Variants in DAB1 observed in about 807,000 individuals in gnomAD.
The protein encoded by DAB1 is disabled homolog 1.
In DAB1, 15 loss-of-function variants were observed where a neutral mutation model predicts 64.6. The ratio of observed to expected loss-of-function variants is 0.23; its 90% CI spans 0.16 to 0.36. DAB1 has a LOEUF of 0.36. Among genes scored for constraint, DAB1 ranks in the 10% least tolerant of loss-of-function variants. The pLI, the probability that DAB1 is intolerant of heterozygous loss-of-function variation, is 1.00. For missense variants in DAB1, 596 were observed against 706.7 expected, an observed-to-expected ratio of 0.84 and a Z score of 1.78; for synonymous variants, 235 against 251.9, an observed-to-expected ratio of 0.93 and a Z score of 0.64.
intron 6 of DAB1, among the ~76,000 whole-genome samples, chr1:57,727,686 T>C (rs957729966): frequency 2.8e-5 from 4 of 144,148 alleles, no homozygotes; most frequent in African/African-American, 1.0e-4. Flanking sequence ...CCTTTCTCTC[T>C]TTTTCTCTGT....
intron 4 of DAB1, among the ~76,000 whole-genome samples, chr1:58,256,283 G>A (rs1048790611): frequency 5.3e-5 from 8 of 152,300 alleles, no homozygotes; most frequent in South Asian, 2.1e-4. Context: ...CAGAAAAGGC[G>A]CCATGGCAGC....
intron 2 of DAB1, among the ~76,000 whole-genome samples, chr1:57,202,362 G>T (rs546472857): frequency 6.6e-6 from 1 of 152,254 alleles, no homozygotes; most frequent in East Asian, 1.9e-4. Flanking sequence ...CTGAATTTTT[G>T]ATGAGGACAG....
intron 6 of DAB1, among the ~76,000 whole-genome samples, chr1:57,785,128 A>T (rs183185299): frequency 6.6e-6 from 1 of 152,310 alleles, no homozygotes; most frequent in Non-Finnish European, 1.5e-5. Flanking sequence ...CCTGGATGAC[A>T]GTACATCTGT....
intron 5 of DAB1, among the ~76,000 whole-genome samples, chr1:57,896,822 G>A (rs190604406): frequency 1.1e-3 from 167 of 152,280 alleles, no homozygotes; most frequent in African/African-American, 3.8e-3. Context: ...TCTACTGTGA[G>A]TGTGTTTGAG....
intron 2 of DAB1, among the ~76,000 whole-genome samples, chr1:57,240,081 A>G (rs1668391293): frequency 1.3e-5 from 2 of 152,222 alleles, no homozygotes; most frequent in East Asian, 1.9e-4. Context: ...TAATGTCTTT[A>G]TGCATACTGA....
chr1:57,380,127 CA>C (rs1449471747), intron 1 of DAB1, among the ~76,000 whole-genome samples: 5 of 152,152 alleles, frequency 3.3e-5, no homozygotes, highest in Admixed American at 3.3e-4. Context: ...CAGGCGCATT[CA>C]TTATTTCCTT....
At chr1:57,801,709 G>A (rs1444531886) in intron 6 of DAB1, among the ~76,000 whole-genome samples, 1 of 151,830 alleles carries the variant, frequency 6.6e-6, no homozygotes, top group Non-Finnish European at 1.5e-5. Flanking sequence ...CCAGGCTGGA[G>A]TGCAGTGGCA....
intron 3 of DAB1, among the ~76,000 whole-genome samples, chr1:58,364,738 A>G (rs1433366305): frequency 6.6e-6 from 1 of 152,238 alleles, no homozygotes; most frequent in African/African-American, 2.4e-5. Flanking sequence ...TACTTGTAAC[A>G]AACAAGGGGA....
intron 5 of DAB1, among the ~76,000 whole-genome samples, chr1:58,146,748 T>C (rs1234289393): frequency 6.6e-6 from 1 of 151,866 alleles, no homozygotes; most frequent in Non-Finnish European, 1.5e-5. Context: ...ATAAATTCTA[T>C]TATTTATAAT....
chr1:57,435,156 C>T (rs538635268), intron 7 of DAB1, among the ~76,000 whole-genome samples: 1 of 146,450 alleles, frequency 6.8e-6, no homozygotes, highest in East Asian at 2.1e-4. Context: ...TCAAGTGATT[C>T]TCCTGTCTCA....
chr1:57,998,088 T>C (rs1355108105), intron 5 of DAB1, among the ~76,000 whole-genome samples: 1 of 152,216 alleles, frequency 6.6e-6, no homozygotes, highest in Admixed American at 6.5e-5. Flanking sequence ...TGTTTTGATC[T>C]GCTCCTTTGC....
chr1:57,146,689 A>T (rs1410391313), intron 2 of DAB1, among the ~76,000 whole-genome samples: 4 of 152,196 alleles, frequency 2.6e-5, no homozygotes, highest in South Asian at 4.1e-4. Context: ...CTTACTGAGC[A>T]TCTCCTCTGT....
intron 7 of DAB1, among the ~76,000 whole-genome samples, chr1:57,593,366 A>G (rs559501591): frequency 6.6e-6 from 1 of 152,358 alleles, no homozygotes; most frequent in African/African-American, 2.4e-5. Context: ...ATAATATTCT[A>G]CTGTACATGT....
rs557005558 is a variant in DAB1 at position 57,355,278 on chromosome 1, T to A, written c.-136-64112A>T. On this transcript the variant is annotated intron_variant, in intron 1 of 14. Coordinates refer to ENST00000371236, the MANE Select transcript of DAB1 (RefSeq NM_001365792.1). ...AAATTCCTTTCCTTCCTGGCATACATTTTTTTTTCCATCCTTGGTTCTTAC... is the reference window on the plus strand; with the variant it reads ...AAATTCCTTTCCTTCCTGGCATACAATTTTTTTTCCATCCTTGGTTCTTAC... 6.6e-3 allele frequency among the ~76,000 whole-genome samples: 987 copies of A among 150,528 alleles called. 14 individuals carry two copies. Among genetic ancestry groups the A allele is most frequent in the African/African-American group, 0.023 (939 of 40,688 alleles).
At chr1:57,105,904 A>G (rs1473822130) in intron 4 of DAB1, among the ~76,000 whole-genome samples, 1 of 152,012 alleles carries the variant, frequency 6.6e-6, no homozygotes, top group Non-Finnish European at 1.5e-5. Flanking sequence ...GTCCTTTCTG[A>G]CTGACTGTGG....
At chr1:58,209,764 T>C (rs1658460444) in intron 4 of DAB1, among the ~76,000 whole-genome samples, 1 of 152,202 alleles carries the variant, frequency 6.6e-6, no homozygotes, top group Non-Finnish European at 1.5e-5. Flanking sequence ...CCCTAGTATA[T>C]ATGGTATTGT....
At chr1:57,012,331 C>G (rs1184301640) in intron 12 of DAB1, among the ~76,000 whole-genome samples, 1 of 152,174 alleles carries the variant, frequency 6.6e-6, no homozygotes, top group Non-Finnish European at 1.5e-5. Flanking sequence ...CTAGGCACTT[C>G]CCATTCATTA....
At chr1:57,346,463 C>T (rs1260522887) in intron 1 of DAB1, among the ~76,000 whole-genome samples, 10 of 152,256 alleles carry the variant, frequency 6.6e-5, no homozygotes, top group South Asian at 4.1e-4. Flanking sequence ...CCTGGCCACC[C>T]GCTATAAAAT....
At chr1:57,185,080 T>A (rs1271690678) in intron 2 of DAB1, among the ~76,000 whole-genome samples, 2 of 152,124 alleles carry the variant, frequency 1.3e-5, no homozygotes, top group Non-Finnish European at 2.9e-5. Context: ...AACCTCTTGC[T>A]CACCCCTGGG....
Sources: allele counts gnomAD v4.1 joint callset (sites outside exome capture counted in the v4.1 genomes callset), GRCh38; gene constraint gnomAD v4.1.1; transcripts MANE v1.5; gene names NCBI Gene and HGNC (gene_info 2026-07-23, HGNC 2026-07-21).